The following ACSL6 variants were observed in gnomAD, a reference collection of about 807,000 sequenced individuals.
The protein encoded by ACSL6 is long-chain-fatty-acid--CoA ligase 6.
In ACSL6, 47 loss-of-function variants were observed where a neutral mutation model predicts 98.2. That is an observed-to-expected ratio of 0.48 (90% CI 0.38 to 0.61). ACSL6 has a LOEUF of 0.61. Ranked by LOEUF, ACSL6 falls within the 20% of genes least tolerant of loss-of-function variation. The probability of loss-of-function intolerance (pLI) is 0.00; values close to 1 mark genes in which losing one functional copy is unlikely to be tolerated. For missense variants in ACSL6, 761 were observed against 913.4 expected, an observed-to-expected ratio of 0.83 and a Z score of 2.15; for synonymous variants, 362 against 336.9, an observed-to-expected ratio of 1.07 and a Z score of -0.82.
intron 1 of ACSL6, among the ~76,000 whole-genome samples, chr5:132,010,079 AG>A (rs1212708336): frequency 6.6e-5 from 10 of 152,164 alleles, no homozygotes; most frequent in Non-Finnish European, 1.5e-4. Context: ...CTCCAACCCC[AG>A]CTCTAGCCCT....
intron 15 of ACSL6, 62 bp from the exon 16 acceptor site, chr5:131,968,090 T>C (rs1488217547): frequency 6.8e-7 from 1 of 1,460,414 alleles, no homozygotes; most frequent in East Asian, 2.3e-5. Context: ...ACTGAAGATG[T>C]TCCAAGCCCC....
chr5:131,976,876 C>A (rs899610110), intron 9 of ACSL6, among the ~76,000 whole-genome samples, 155 bp from the exon 10 acceptor site: 2 of 152,224 alleles, frequency 1.3e-5, no homozygotes, highest in Non-Finnish European at 1.5e-5. Context: ...CAGATGAATG[C>A]TGCTTCAGGG....
rs556318951 is a variant in ACSL6, at chr5:131,998,651, T to C, written c.50-4400A>G. ...AATACTCTAGGCTTCATTGTCTAGC[T>C]GGATACCCGACCACTCCTCTCTACC... On this transcript the variant is annotated intron_variant, in intron 1 of 20. Transcript: ENST00000651883. 3.3e-5 allele frequency among the ~76,000 whole-genome samples: 5 copies of C among 152,324 alleles called. No individual in the cohort carries two copies. The South Asian group carries it at 1.0e-3, about 32-fold the overall frequency.
intron 1 of ACSL6, chr5:131,999,488 T>G (rs898501164): frequency 3.3e-5 from 5 of 152,068 alleles, no homozygotes; most frequent in Non-Finnish European, 7.4e-5. Flanking sequence ...TTATAGGGCC[T>G]GTGGGGCCCA....
upstream of ACSL6, chr5:132,011,872 A>G (rs1412566333): frequency 6.5e-7 from 1 of 1,527,956 alleles, no homozygotes. The surrounding 1 kb of genome is among the most constrained non-coding windows in gnomAD (Gnocchi z 5.4). Context: ...CCGGCCGCAG[A>G]GCGAACCAGC....
chr5:131,990,532 A>T (rs1754447574), intron 3 of ACSL6, among the ~76,000 whole-genome samples: 1 of 152,128 alleles, frequency 6.6e-6, no homozygotes, highest in Non-Finnish European at 1.5e-5. Context: ...GCACCCAGAC[A>T]TCTCAGAGGT....
intron 1 of ACSL6, among the ~76,000 whole-genome samples, chr5:132,000,642 G>A (rs1755037427): frequency 6.6e-6 from 1 of 152,128 alleles, no homozygotes; most frequent in Admixed American, 6.5e-5. Flanking sequence ...TAGACAGCTA[G>A]ACTCATGGTG....
rs1218200258 is a variant in ACSL6 at position 131,976,746 on chromosome 5, A to G, written c.917-25T>C. ...CCTATAAAAAGAAAGCAAGAAGTCA[A>G]ATTAGTTGGAAACTCAAGGGCCACT... On this transcript the variant is annotated intron_variant, in intron 9 of 20. Transcript: ENST00000651883. 3 of 1,608,786 alleles carry G rather than the reference A, an allele frequency of 1.9e-6. No homozygotes were observed. The East Asian group carries it at 6.7e-5, about 36-fold the overall frequency.
chr5:131,973,268 TGTC>T lies in ACSL6; in HGVS notation c.1198_1200del (p.Asp400del). 6.2e-7 allele frequency: 1 copy of T among 1,613,982 alleles called. No individual in the cohort carries two copies. Among genetic ancestry groups the T allele is most frequent in the Non-Finnish European group, 8.5e-7 (1 of 1,179,918 alleles). On this transcript the variant is annotated inframe_deletion, in exon 12 of 21. Coordinates refer to ENST00000651883, the MANE Select transcript of ACSL6 (RefSeq NM_001009185.3). ...TGAAGACTCCCTGCAGAACTTACCT[TGTC>T]GTACATCCGGTTCAGCAGTCGTGGG... is the stretch of plus-strand genomic sequence containing the variant.
intron 15 of ACSL6, among the ~76,000 whole-genome samples, chr5:131,968,804 C>T (rs1420122623): frequency 6.6e-6 from 1 of 152,162 alleles, no homozygotes; most frequent in East Asian, 1.9e-4. Flanking sequence ...AAAAATGAGG[C>T]TTACCACCTT....
At chr5:131,998,292 G>T (rs906987139) in intron 1 of ACSL6, among the ~76,000 whole-genome samples, 3 of 152,146 alleles carry the variant, frequency 2.0e-5, no homozygotes, top group African/African-American at 7.2e-5. Context: ...GAGGACTCAG[G>T]CATGAACAAG....
chr5:131,997,742 C>T (rs1754866206), intron 1 of ACSL6, among the ~76,000 whole-genome samples: 1 of 152,244 alleles, frequency 6.6e-6, no homozygotes, highest in Non-Finnish European at 1.5e-5. Flanking sequence ...TACTTAGGTG[C>T]TCACCCTGAA....
chr5:131,960,211 G>T (rs373531943), intron 19 of ACSL6, among the ~76,000 whole-genome samples: 1 of 152,146 alleles, frequency 6.6e-6, no homozygotes, highest in East Asian at 1.9e-4. Context: ...AACCAGCTGT[G>T]TGACCTCGGG....
intron 16 of ACSL6, 76 bp from the exon 17 acceptor site, chr5:131,966,608 C>T (rs559607807): frequency 3.0e-5 from 40 of 1,322,484 alleles, no homozygotes; most frequent in South Asian, 2.5e-4. Flanking sequence ...ACCAGGCATA[C>T]GGAGATAAGG....
Position 131,986,860 on chromosome 5 carries a change from A to G in ACSL6, c.832-6T>C, listed in dbSNP as rs773148103. ...TGATTCTCTTGGCCACAGTCCTGAA[A>G]GAAGAAAATGCTGTTTTTAAATGCT... On this transcript the variant is annotated splice_polypyrimidine_tract_variant and splice_region_variant and intron_variant, in intron 7 of 20. Transcript: ENST00000651883. 1.2e-6 allele frequency: 2 copies of G among 1,614,058 alleles called. No individual in the cohort carries two copies. The highest frequency in any genetic ancestry group is 1.7e-6 in the Non-Finnish European group (2 of 1,180,046).
At position 131,950,220 on chromosome 5, in the gene ACSL6, A is replaced by T. The variant is rs371668459; in HGVS notation, c.*4014T>A. The T allele has an allele frequency of 1.0e-5, 2 of 200,184 alleles. No individual in the cohort carries two copies. Among genetic ancestry groups the T allele is most frequent in the African/African-American group, 2.3e-5 (1 of 43,472 alleles). The allele number at this position is 200,184 out of a possible 1,614,324, so 12.4% of individuals were successfully genotyped here. Reference sequence around the variant, plus strand: ...CAATGATTTAACAAGGAAAATTAGAATAATCGGTCAAATGAATGTTTAAAA... The same window carrying T: ...CAATGATTTAACAAGGAAAATTAGATTAATCGGTCAAATGAATGTTTAAAA... On this transcript the variant is annotated 3_prime_UTR_variant, in exon 21 of 21. Coordinates refer to ENST00000651883, the MANE Select transcript of ACSL6 (RefSeq NM_001009185.3).
intron 11 of ACSL6, among the ~76,000 whole-genome samples, chr5:131,974,340 G>C (rs1201317418): frequency 1.3e-5 from 2 of 152,210 alleles, no homozygotes. Context: ...AGCCTGAAGA[G>C]CCATGCCAGT....
rs1752171145 is a variant in ACSL6 at position 131,951,744 on chromosome 5, C to G, written c.*2490G>C. 6.1e-6 allele frequency: 1 copy of G among 163,430 alleles called. No homozygotes were observed. Among genetic ancestry groups the G allele is most frequent in the Non-Finnish European group, 1.3e-5 (1 of 74,724 alleles). 10.1% of individuals were successfully genotyped at this position (163,430 alleles called of 1,614,324 possible). A position where few individuals can be genotyped will look rare whatever the true frequency, so the allele number is the denominator to read the frequency against. On this transcript the variant is annotated 3_prime_UTR_variant, in exon 21 of 21. Transcript: ENST00000651883. Reference sequence around the variant, plus strand: ...GGGACTACAGGCGCCCGCCACAACGCCCGGCTAATTTTTTGTATTTTTTTA... The same window carrying G: ...GGGACTACAGGCGCCCGCCACAACGGCCGGCTAATTTTTTGTATTTTTTTA...
upstream of ACSL6, chr5:132,011,811 C>T: frequency 6.1e-6 from 9 of 1,479,766 alleles, no homozygotes; most frequent in Non-Finnish European, 8.1e-6. This position sits in a 1 kb window ranked among gnomAD's most constrained non-coding sequence, Gnocchi z 5.4. Context: ...GGGGCTTGCC[C>T]CGCACTGACC....
Sources: gnomAD v4.1 joint callset for allele counts (sites outside exome capture counted in the v4.1 genomes callset) on GRCh38, gnomAD v4.1.1 for gene constraint, Gnocchi (gnomAD v3.1) non-coding constraint, MANE v1.5 for transcripts, NCBI Gene and HGNC (gene_info 2026-07-23, HGNC 2026-07-21) for gene names.